SLC13A1: variants seen among roughly 807,000 people sequenced by gnomAD.
The protein encoded by SLC13A1 is Na(+)/sulfate cotransporter.
SLC13A1 carries 65 observed loss-of-function variants against 70.0 expected under a neutral mutation model. The observed-to-expected ratio is 0.93, with a 90% CI of 0.76 to 1.14. The LOEUF is 1.14. Among genes scored for constraint, SLC13A1 ranks in the 50% most tolerant of loss-of-function variants. The pLI, the probability that SLC13A1 is intolerant of heterozygous loss-of-function variation, is 0.00. For synonymous variants in SLC13A1, 275 were observed against 250.5 expected (o/e 1.10, Z -0.92); for missense variants, 726 against 717.8 (o/e 1.01, Z -0.13).
chr7:123,119,554 G>A (rs62483752), intron 12 of SLC13A1, among the ~76,000 whole-genome samples: 1 of 151,874 alleles, frequency 6.6e-6, no homozygotes, highest in African/African-American at 2.4e-5. Flanking sequence ...GGCTTTAAGA[G>A]AAGAGCAACC....
chr7:123,155,045 T>G (rs1053399605), intron 6 of SLC13A1, among the ~76,000 whole-genome samples: 3 of 152,054 alleles, frequency 2.0e-5, no homozygotes, highest in African/African-American at 7.2e-5. Context: ...GAATTAGTGT[T>G]TCTTCCTTTT....
In SLC13A1 at chr7:123,125,672, G is replaced by A. The variant is rs758810887; in HGVS notation, c.1137C>T (p.Tyr379=). The part of the protein sequence containing the change: ...VPGWSALFSE[Y]PGFATDSTVA... Reference sequence around the variant, plus strand: ...CAGTTGAATCTGTAGCAAAACCAGGGTACCTGTAAAAGGGACAAATACATG... The same window carrying A: ...CAGTTGAATCTGTAGCAAAACCAGGATACCTGTAAAAGGGACAAATACATG... Residue 379 remains tyrosine, a synonymous_variant, in exon 11 of 15, where the codon TAC becomes TAT. Transcript: ENST00000194130. The A allele has an allele frequency of 1.9e-6, 3 of 1,608,922 alleles. No homozygotes were observed. Among genetic ancestry groups the A allele is most frequent in the Middle Eastern group, 1.7e-4 (1 of 6,040 alleles).
intron 6 of SLC13A1, among the ~76,000 whole-genome samples, chr7:123,165,500 C>A (rs951666906): frequency 6.6e-6 from 1 of 152,106 alleles, no homozygotes; most frequent in Non-Finnish European, 1.5e-5. Flanking sequence ...GGAGGCATCT[C>A]CTACATTTTT....
At chr7:123,123,733 A>C (rs12706487) in intron 11 of SLC13A1, among the ~76,000 whole-genome samples, 1 of 152,202 alleles carries the variant, frequency 6.6e-6, no homozygotes, top group African/African-American at 2.4e-5. Context: ...CCAAGATTTC[A>C]GTTTAAAAAT....
intron 7 of SLC13A1, among the ~76,000 whole-genome samples, chr7:123,143,980 T>C (rs1263907370): frequency 1.3e-5 from 2 of 152,224 alleles, no homozygotes; most frequent in Non-Finnish European, 2.9e-5. Flanking sequence ...GAGTAGATTT[T>C]AGTTTACATG....
At chr7:123,174,376 A>C (rs939776167) in intron 2 of SLC13A1, among the ~76,000 whole-genome samples, 1 of 152,020 alleles carries the variant, frequency 6.6e-6, no homozygotes, top group Non-Finnish European at 1.5e-5. Context: ...CTTCAAACAC[A>C]TTCTCCCTTT....
At chr7:123,121,658 T>A (rs1793386388) in intron 12 of SLC13A1, among the ~76,000 whole-genome samples, 1 of 152,134 alleles carries the variant, frequency 6.6e-6, no homozygotes, top group Non-Finnish European at 1.5e-5. Flanking sequence ...TTTGAAACTG[T>A]CTATCTGCTC....
At chr7:123,175,598 C>T (rs1795420291) in intron 2 of SLC13A1, among the ~76,000 whole-genome samples, 1 of 152,118 alleles carries the variant, frequency 6.6e-6, no homozygotes, top group Non-Finnish European at 1.5e-5. Context: ...AAGATGCCAT[C>T]TATGGAGCAG....
Position 123,169,161 on chromosome 7 carries a change from T to C in SLC13A1, c.540A>G (p.Gly180=). 6.2e-7 allele frequency: 1 copy of C among 1,614,006 alleles called. No individual in the cohort carries two copies. Among genetic ancestry groups the C allele is most frequent in the South Asian group, 1.1e-5 (1 of 91,082 alleles). ...MTYFNGSTNH[G]LEIDESVNGH... ...AACATGTGATACCATCAATTTCTAG[T>C]CCGTGGTTGGTTGATCCGTTGAAGT... Residue 180 remains glycine (G), a synonymous_variant, in exon 4 of 15, where the codon GGA becomes GGG. Coordinates refer to ENST00000194130, the MANE Select transcript of SLC13A1 (RefSeq NM_022444.4).
At chr7:123,170,449 A>G (rs1465128586) in intron 3 of SLC13A1, among the ~76,000 whole-genome samples, 1 of 152,208 alleles carries the variant, frequency 6.6e-6, no homozygotes, top group African/African-American at 2.4e-5. Flanking sequence ...CCTTAAATTG[A>G]AGAGCCACTT....
At chr7:123,195,775 C>T (rs970126131) in intron 1 of SLC13A1, among the ~76,000 whole-genome samples, 22 of 152,026 alleles carry the variant, frequency 1.4e-4, no homozygotes, top group African/African-American at 4.6e-4. Flanking sequence ...AATTTGGTAT[C>T]GGTTTTACAA....
At chr7:123,141,885 C>G (rs1794163325) in intron 7 of SLC13A1, among the ~76,000 whole-genome samples, 2 of 152,072 alleles carry the variant, frequency 1.3e-5, no homozygotes, top group South Asian at 4.1e-4. Context: ...CATGTAACCA[C>G]TCTATGTCTT....
At chr7:123,160,146 C>T (rs909993775) in intron 6 of SLC13A1, among the ~76,000 whole-genome samples, 2 of 151,572 alleles carry the variant, frequency 1.3e-5, no homozygotes, top group African/African-American at 4.8e-5. Context: ...AGCTGGGCAC[C>T]TGTAATCCCA....
intron 2 of SLC13A1, among the ~76,000 whole-genome samples, chr7:123,179,883 A>G (rs1373288000): frequency 2.0e-5 from 3 of 152,154 alleles, no homozygotes; most frequent in African/African-American, 7.2e-5. Flanking sequence ...TTGACACCCT[A>G]TTTTTAACAA....
Position 123,128,883 on chromosome 7 carries a change from G to T in SLC13A1, c.1095C>A (p.Asp365Glu), listed in dbSNP as rs1793656499. The change falls in exon 10 of 15, where the codon GAC becomes GAA. Residue 365 changes from aspartate to glutamate, a missense_variant. By Grantham distance (45) the Asp-to-Glu change is conservative. Transcript: ENST00000194130. Reference sequence around the variant, plus strand: ...CAGACCAACCAGGAACAAATCCGGGGTCTCGACTAAACCATAGCAGAGCCA... The same window carrying T: ...CAGACCAACCAGGAACAAATCCGGGTTCTCGACTAAACCATAGCAGAGCCA... ...IIMALLWFSR[D>E]PGFVPGWSAL... The T allele has an allele frequency of 6.2e-7, 1 of 1,613,450 alleles. No individual in the cohort carries two copies. The highest frequency in any genetic ancestry group is 8.5e-7 in the Non-Finnish European group (1 of 1,179,702).
chr7:123,183,866 T>G (rs1004599905), intron 1 of SLC13A1, among the ~76,000 whole-genome samples: 1 of 152,318 alleles, frequency 6.6e-6, no homozygotes, highest in Non-Finnish European at 1.5e-5. Flanking sequence ...ATAACCCATT[T>G]GTAAAACTTG....
chr7:123,176,797 A>G (rs911407658), intron 2 of SLC13A1, among the ~76,000 whole-genome samples: 2 of 151,878 alleles, frequency 1.3e-5, no homozygotes, highest in Admixed American at 6.6e-5. Context: ...TTCTCCTCCT[A>G]CCTCAATAAC....
rs1793881750 is a variant in SLC13A1 at position 123,134,460 on chromosome 7, G to A, written c.882C>T (p.Ile294=). ...GCCAGATCCAGGATAAGAGTAGAAT[G>A]ATAAGGGCAGCTGGGAAGGAAAACG... ...WFTFSFPAAL[I]ILLLSWIWLQ... Residue 294 remains isoleucine, a synonymous_variant, in exon 8 of 15, where the codon ATC becomes ATT. Transcript: ENST00000194130. 4.3e-6 allele frequency: 7 copies of A among 1,613,354 alleles called. No homozygotes were observed. The highest frequency in any genetic ancestry group is 5.9e-6 in the Non-Finnish European group (7 of 1,179,412).
chr7:123,117,140 CT>C (rs893900449), intron 14 of SLC13A1, among the ~76,000 whole-genome samples: 36 of 151,922 alleles, frequency 2.4e-4, no homozygotes, highest in Non-Finnish European at 4.9e-4. Flanking sequence ...CTATTTTTTC[CT>C]TTTGCCTGGA....
Sources: allele counts gnomAD v4.1 joint callset (sites outside exome capture counted in the v4.1 genomes callset), GRCh38; gene constraint gnomAD v4.1.1; transcripts MANE v1.5; gene names NCBI Gene and HGNC (gene_info 2026-07-23, HGNC 2026-07-21).